Variants in GRID2 observed in about 807,000 individuals in gnomAD.
GRID2 encodes glutamate receptor ionotropic, delta-2.
GRID2 carries 33 observed loss-of-function variants against 114.8 expected under a neutral mutation model. The ratio of observed to expected loss-of-function variants is 0.29; its 90% CI spans 0.22 to 0.38. The LOEUF (loss-of-function observed/expected upper bound fraction) is 0.38, where lower values mean the gene tolerates loss of function less well. Ranked by LOEUF, GRID2 falls within the 10% of genes least tolerant of loss-of-function variation. The pLI, the probability that GRID2 is intolerant of heterozygous loss-of-function variation, is 1.00. For missense variants in GRID2, 1,184 were observed against 1,257.7 expected (o/e 0.94, Z 0.89); for synonymous variants, 505 against 449.9 (o/e 1.12, Z -1.55).
chr4:93,599,773 CTT>C (rs1235403286), intron 13 of GRID2, among the ~76,000 whole-genome samples: 1 of 152,162 alleles, frequency 6.6e-6, no homozygotes, highest in Non-Finnish European at 1.5e-5. Context: ...CCTGAGCACA[CTT>C]CCAAGTCCAC....
At chr4:92,704,701 A>ATCAATC (rs1553918654) in intron 2 of GRID2, among the ~76,000 whole-genome samples, 5 of 113,704 alleles carry the variant, frequency 4.4e-5, no homozygotes, top group African/African-American at 1.6e-4. Flanking sequence ...CAATCAATCA[A>ATCAATC]TCTCTCTCTC....
At chr4:93,024,885 A>C (rs1045908477) in intron 2 of GRID2, among the ~76,000 whole-genome samples, 2 of 151,738 alleles carry the variant, frequency 1.3e-5, no homozygotes, top group African/African-American at 4.8e-5. Flanking sequence ...TTAATGCAAC[A>C]AGGAGGAAGA....
intron 2 of GRID2, among the ~76,000 whole-genome samples, chr4:93,075,417 G>A (rs1306546333): frequency 6.6e-6 from 1 of 152,140 alleles, no homozygotes; most frequent in African/African-American, 2.4e-5. Context: ...CAGGAAAAGG[G>A]GAAGGGTGGC....
rs1167121792 is a variant in GRID2 at position 92,713,476 on chromosome 4, C to CACATATAT, written c.244+123191_244+123192insCATATATA. ...TTACATATATTTACATATACATATA[C>CACATATAT]ATATATATATATATATATATATATA... On this transcript the variant is annotated intron_variant, in intron 2 of 15. Transcript: ENST00000282020. Among the ~76,000 whole-genome samples, 3 of 54,062 alleles carry CACATATAT rather than the reference C, an allele frequency of 5.5e-5. No individual in the cohort carries two copies. In the East Asian group the frequency reaches 1.8e-3, roughly 32 times the overall value. The allele number at this position is 54,062 out of a possible 152,430, so 35.5% of individuals were successfully genotyped here.
chr4:93,392,380 A>T (rs1034852999), intron 8 of GRID2, among the ~76,000 whole-genome samples: 3 of 152,140 alleles, frequency 2.0e-5, no homozygotes, highest in Admixed American at 6.6e-5. Flanking sequence ...CCTAAGTGAA[A>T]TTCTTCTAGT....
intron 1 of GRID2, among the ~76,000 whole-genome samples, chr4:92,376,106 A>T (rs1362752463): frequency 6.6e-6 from 1 of 151,980 alleles, no homozygotes; most frequent in African/African-American, 2.4e-5. Context: ...AAAAAATTAT[A>T]TATATATAAA....
At chr4:92,837,075 CGAG>C (rs1279166471) in intron 2 of GRID2, among the ~76,000 whole-genome samples, 1 of 152,004 alleles carries the variant, frequency 6.6e-6, no homozygotes, top group Non-Finnish European at 1.5e-5. Context: ...GTGCTTCAGT[CGAG>C]GAGATGGGAG....
intron 2 of GRID2, among the ~76,000 whole-genome samples, chr4:93,037,938 T>C (rs1725079162): frequency 6.6e-6 from 1 of 152,174 alleles, no homozygotes; most frequent in African/African-American, 2.4e-5. Flanking sequence ...TTTGGTTCCA[T>C]ATGAAACCAA....
At chr4:92,989,094 G>A (rs975139851) in intron 2 of GRID2, among the ~76,000 whole-genome samples, 4 of 151,592 alleles carry the variant, frequency 2.6e-5, no homozygotes, top group African/African-American at 4.8e-5. Context: ...TGACTAACAC[G>A]GTGAAACCCC....
chr4:93,193,393 A>G (rs1461370889), intron 4 of GRID2, among the ~76,000 whole-genome samples: 3 of 152,012 alleles, frequency 2.0e-5, no homozygotes, highest in South Asian at 4.2e-4. Flanking sequence ...CATGGGGTCA[A>G]TTACCCCCAT....
At chr4:92,894,909 G>A (rs1747050971) in intron 2 of GRID2, among the ~76,000 whole-genome samples, 1 of 152,030 alleles carries the variant, frequency 6.6e-6, no homozygotes, top group Non-Finnish European at 1.5e-5. Flanking sequence ...GTCAAGGGGA[G>A]TTCTTGAAAT....
At chr4:92,405,210 C>T (rs1730969084) in intron 1 of GRID2, among the ~76,000 whole-genome samples, 1 of 152,084 alleles carries the variant, frequency 6.6e-6, no homozygotes, top group African/African-American at 2.4e-5. Context: ...CATTTCCATC[C>T]ATGCAAAGTG....
intron 1 of GRID2, among the ~76,000 whole-genome samples, chr4:92,579,428 T>A (rs1728066881): frequency 6.6e-6 from 1 of 151,858 alleles, no homozygotes; most frequent in African/African-American, 2.4e-5. Context: ...AGAAAATAAA[T>A]TAAGAACACA....
At chr4:92,406,553 G>T (rs2110291800) in intron 1 of GRID2, among the ~76,000 whole-genome samples, 1 of 152,036 alleles carries the variant, frequency 6.6e-6, no homozygotes, top group Admixed American at 6.6e-5. Context: ...TTAAAAAAAT[G>T]TCAACTTTTA....
chr4:92,328,653 A>G (rs144298204), intron 1 of GRID2, among the ~76,000 whole-genome samples: 2,500 of 152,176 alleles, frequency 0.016, 40 homozygotes, highest in Non-Finnish European at 0.025. Flanking sequence ...TATGCCCGTG[A>G]TCACAAACAG....
At chr4:92,654,032 T>G (rs375438309) in intron 2 of GRID2, among the ~76,000 whole-genome samples, 1 of 152,114 alleles carries the variant, frequency 6.6e-6, no homozygotes, top group African/African-American at 2.4e-5. Flanking sequence ...CCAGAAAGTT[T>G]ATATAGTTTG....
chr4:93,479,629 GA>G (rs988276844), intron 11 of GRID2, among the ~76,000 whole-genome samples: 1 of 152,138 alleles, frequency 6.6e-6, no homozygotes, highest in Non-Finnish European at 1.5e-5. Flanking sequence ...CCCTAGGCCA[GA>G]AAACCAGGGA....
At position 92,924,104 on chromosome 4, in the gene GRID2, A is replaced by G. The variant is rs1749607135; in HGVS notation, c.245-160891A>G. Among the ~76,000 whole-genome samples the G allele has an allele frequency of 2.0e-5, 3 of 152,214 alleles. No homozygotes were observed. In the South Asian group the frequency reaches 6.2e-4, roughly 31 times the overall value. Reference sequence around the variant, plus strand: ...ATAAGTTCGTGTCCTTTGTAGGGACATGGATGAAGCTGGAAACCATCATTC... The same window carrying G: ...ATAAGTTCGTGTCCTTTGTAGGGACGTGGATGAAGCTGGAAACCATCATTC... On this transcript the variant is annotated intron_variant, in intron 2 of 15. Transcript: ENST00000282020.
chr4:93,785,395 G>T (rs1166104612), intron 1 of GRID2, among the ~76,000 whole-genome samples: 1 of 152,066 alleles, frequency 6.6e-6, no homozygotes, highest in Admixed American at 6.5e-5. Context: ...CTAGAGAATG[G>T]GATTCCAAGT....
Sources: gnomAD v4.1 joint callset for allele counts (sites outside exome capture counted in the v4.1 genomes callset) on GRCh38, gnomAD v4.1.1 for gene constraint, MANE v1.5 for transcripts, NCBI Gene and HGNC (gene_info 2026-07-23, HGNC 2026-07-21) for gene names.